The following ZFHX4 variants were observed in gnomAD, a reference collection of about 807,000 sequenced individuals.
The protein encoded by ZFHX4 is zinc finger homeobox 4.
Under a neutral mutation model 267.6 loss-of-function variants are expected in ZFHX4, and 56 were observed. That is an observed-to-expected ratio of 0.21 (90% CI 0.17 to 0.26). ZFHX4 has a LOEUF of 0.26. Ranked by LOEUF, ZFHX4 falls within the 10% of genes least tolerant of loss-of-function variation. ZFHX4 has a pLI of 1.00. For missense variants in ZFHX4, 4,332 were observed against 4,420.0 expected (o/e 0.98, Z 0.56); for synonymous variants, 1,778 against 1,665.6 (o/e 1.07, Z -1.64).
rs887288519 is a variant in ZFHX4 at position 76,853,190 on chromosome 8, C to G, written c.6269C>G (p.Ala2090Gly). The stretch of plus-strand genomic sequence containing the variant: ...ATGATGCAACCTGTGCAACACCCTG[C>G]GCTTCCTCCCCAGCTTGCCCTGCAG... ...SIMMQPVQHP[A>G]LPPQLALQLP... Residue 2090 changes from alanine to glycine, a missense_variant, in exon 10 of 11, where the codon GCG (alanine) becomes GGG (glycine). Coordinates refer to ENST00000651372, the MANE Select transcript of ZFHX4 (RefSeq NM_024721.5). 1.3e-6 allele frequency: 2 copies of G among 1,554,830 alleles called. No individual in the cohort carries two copies. Among genetic ancestry groups the G allele is most frequent in the Non-Finnish European group, 1.7e-6 (2 of 1,148,970 alleles).
intron 4 of ZFHX4, among the ~76,000 whole-genome samples, chr8:76,805,608 G>C: frequency 6.8e-6 from 1 of 147,874 alleles, no homozygotes; most frequent in Non-Finnish European, 1.5e-5. Flanking sequence ...TTTTTTTGTA[G>C]TCAGAGATTA....
rs1295924672 is a variant in ZFHX4, at chr8:76,805,825, T to A, written c.3325+27386T>A. Among the ~76,000 whole-genome samples, 3 of 152,118 alleles carry A rather than the reference T, an allele frequency of 2.0e-5. No homozygotes were observed. The East Asian group carries it at 5.8e-4, about 29-fold the overall frequency. On this transcript the variant is annotated intron_variant, in intron 4 of 10. Coordinates refer to ENST00000651372, the MANE Select transcript of ZFHX4 (RefSeq NM_024721.5). ...TTTGGGTAAAGTGATATGAAACCTT[T>A]CTGAAATTACGGTGTAAGTACGCCT...
intron 1 of ZFHX4, among the ~76,000 whole-genome samples, chr8:76,687,713 A>G (rs1409874789): frequency 6.6e-6 from 1 of 152,176 alleles, no homozygotes; most frequent in Non-Finnish European, 1.5e-5. Context: ...AAGCAAAAAG[A>G]TAGGAAAAGA....
rs143766439 is a variant in ZFHX4, at chr8:76,820,778, A to G, written c.3326-12560A>G. Among the ~76,000 whole-genome samples the G allele has an allele frequency of 2.4e-3, 362 of 152,338 alleles. 3 individuals carry two copies. The highest frequency in any genetic ancestry group is 0.01 in the Middle Eastern group (3 of 294). ...ATAAGTTTTATTGCTTATAGCCTCC[A>G]TGATACCTACAATGAAAAAGTAATG... On this transcript the variant is annotated intron_variant, in intron 4 of 10. Coordinates refer to ENST00000651372, the MANE Select transcript of ZFHX4 (RefSeq NM_024721.5).
chr8:76,862,102 T>C (rs1483540036), intron 10 of ZFHX4, among the ~76,000 whole-genome samples: 1 of 152,222 alleles, frequency 6.6e-6, no homozygotes. Context: ...GTCCCTTTTC[T>C]ATCCTGAGCT....
chr8:76,689,003 T>C (rs1807760097), intron 1 of ZFHX4, among the ~76,000 whole-genome samples: 1 of 152,130 alleles, frequency 6.6e-6, no homozygotes, highest in Admixed American at 6.5e-5. Context: ...GAGTACAGCA[T>C]ATTGTAAAGG....
chr8:76,820,883 C>A (rs1218228184), intron 4 of ZFHX4, among the ~76,000 whole-genome samples: 1 of 152,168 alleles, frequency 6.6e-6, no homozygotes, highest in Non-Finnish European at 1.5e-5. Context: ...GTATCACAAA[C>A]AGGCAATGGG....
intron 3 of ZFHX4, among the ~76,000 whole-genome samples, chr8:76,725,072 G>T (rs958859224): frequency 6.6e-6 from 1 of 151,980 alleles, no homozygotes; most frequent in African/African-American, 2.4e-5. Context: ...TTCATCCTGT[G>T]TATGAAAGGG....
intron 3 of ZFHX4, among the ~76,000 whole-genome samples, chr8:76,763,087 T>C (rs1427635580): frequency 1.3e-5 from 2 of 152,160 alleles, no homozygotes; most frequent in Admixed American, 6.6e-5. Context: ...GGCATCCAGA[T>C]GTTGAGGAAG....
chr8:76,815,776 T>C (rs1811490411), intron 4 of ZFHX4, among the ~76,000 whole-genome samples: 1 of 152,136 alleles, frequency 6.6e-6, no homozygotes, highest in Non-Finnish European at 1.5e-5. Flanking sequence ...GCTGAGATCG[T>C]AGGCTTGAAC....
chr8:76,721,091 A>G (rs1366522642), intron 3 of ZFHX4, among the ~76,000 whole-genome samples: 2 of 152,146 alleles, frequency 1.3e-5, no homozygotes, highest in Non-Finnish European at 2.9e-5. Context: ...TTTGAGGGGG[A>G]CATGTATCTC....
rs1416223135 is a variant in ZFHX4, at chr8:76,854,913, G to A, written c.7992G>A (p.Gln2664=). ...QNTRARERKG[Q]FRAVGPAQSH... ...CACGAGCGCGGGAGAGGAAAGGCCA[G>A]TTCCGGGCGGTGGGTCCAGCACAGT... The change falls in exon 10 of 11, where the codon CAG becomes CAA. Residue 2664 remains glutamine (Q), a synonymous_variant. Coordinates refer to ENST00000651372, the MANE Select transcript of ZFHX4 (RefSeq NM_024721.5). 1 of 1,613,668 alleles carries A rather than the reference G, an allele frequency of 6.2e-7. No homozygotes were observed. The highest frequency in any genetic ancestry group is 1.1e-5 in the South Asian group (1 of 91,086).
chr8:76,772,615 A>G (rs1810293050), intron 3 of ZFHX4, among the ~76,000 whole-genome samples: 2 of 152,100 alleles, frequency 1.3e-5, no homozygotes, highest in African/African-American at 4.8e-5. Context: ...CTACTCTTCA[A>G]TCTAGGCAGC....
rs149035061 is a variant in ZFHX4 at position 76,692,592 on chromosome 8, G to A, written c.-47+10972G>A. Among the ~76,000 whole-genome samples, 736 of 152,048 alleles carry A rather than the reference G, an allele frequency of 4.8e-3. 3 individuals carry two copies. Among genetic ancestry groups the A allele is most frequent in the African/African-American group, 0.017 (704 of 41,494 alleles). ...CAGTCCTTTATTGTTCTATAATAAT[G>A]CATTATTCTGGAGGACTACCCAAGT... is the stretch of plus-strand genomic sequence containing the variant. On this transcript the variant is annotated intron_variant, in intron 1 of 10. Transcript: ENST00000651372.
chr8:76,855,288 T>G lies in ZFHX4; in HGVS notation c.8367T>G (p.Ala2789=), dbSNP rs1262307834. Residue 2789 remains alanine, a synonymous_variant, in exon 10 of 11, where the codon GCT becomes GCG. Coordinates refer to ENST00000651372, the MANE Select transcript of ZFHX4 (RefSeq NM_024721.5). ...TAGAGAATTTAAATGCCCCTCCTGCTGAGGCTGGGTATGATCAAAATAAAA... is the reference window on the plus strand; with the variant it reads ...TAGAGAATTTAAATGCCCCTCCTGCGGAGGCTGGGTATGATCAAAATAAAA... The part of the protein sequence containing the change: ...EDVENLNAPP[A]EAGYDQNKTD... 6.2e-7 allele frequency: 1 copy of G among 1,612,780 alleles called. No individual in the cohort carries two copies. Among genetic ancestry groups the G allele is most frequent in the East Asian group, 2.2e-5 (1 of 44,832 alleles).
rs961763018 is a variant in ZFHX4 at position 76,863,564 on chromosome 8, G to C, written c.9850G>C (p.Gly3284Arg). ...FTPQLPGTVQ[G>R]GYFPPVCGME... ...ACCTCAGCTCCCTGGAACAGTGCAG[G>C]GGGGATACTTCCCACCTGTCTGTGG... Residue 3284 changes from glycine (G) to arginine (R), a missense_variant, in exon 11 of 11, where the codon GGG becomes CGG. By Grantham distance (125) the Gly-to-Arg change is moderately radical. This residue lies in a region of ZFHX4 where 1,648 missense variants were observed against 1,625.0 expected (regional missense o/e 1.01). Coordinates refer to ENST00000651372, the MANE Select transcript of ZFHX4 (RefSeq NM_024721.5). 2.5e-6 allele frequency: 4 copies of C among 1,613,780 alleles called. No individual in the cohort carries two copies. Among genetic ancestry groups the C allele is most frequent in the Non-Finnish European group, 3.4e-6 (4 of 1,179,814 alleles).
chr8:76,772,376 G>T (rs1187523250), intron 3 of ZFHX4, among the ~76,000 whole-genome samples: 3 of 152,158 alleles, frequency 2.0e-5, no homozygotes, highest in African/African-American at 7.2e-5. Context: ...AAATTTGAGA[G>T]TTGTCTATTT....
At chr8:76,767,447 C>A (rs2131742365) in intron 3 of ZFHX4, among the ~76,000 whole-genome samples, 1 of 152,224 alleles carries the variant, frequency 6.6e-6, no homozygotes, top group East Asian at 1.9e-4. Context: ...TTTCTCCCAC[C>A]TCTTCTGTGT....
chr8:76,748,200 C>T (rs775195485), intron 3 of ZFHX4, among the ~76,000 whole-genome samples: 1 of 151,898 alleles, frequency 6.6e-6, no homozygotes, highest in Admixed American at 6.6e-5. Flanking sequence ...GATCTTTATC[C>T]CTCTCTGTCT....
Sources: allele counts gnomAD v4.1 joint callset (sites outside exome capture counted in the v4.1 genomes callset), GRCh38; gene constraint gnomAD v4.1.1; regional missense constraint gnomAD v4.1.1; transcripts MANE v1.5; gene names NCBI Gene and HGNC (gene_info 2026-07-23, HGNC 2026-07-21).